Variants in TMED3 observed in about 807,000 individuals in gnomAD.
TMED3 encodes the protein transmembrane p24 trafficking protein 3, also known as transmembrane emp24 domain-containing protein 3.
Under a neutral mutation model 15.0 loss-of-function variants are expected in TMED3, and 9 were observed. That is an observed-to-expected ratio of 0.60 (90% confidence interval 0.36 to 1.04). The LOEUF (loss-of-function observed/expected upper bound fraction) is 1.04, where lower values mean the gene tolerates loss of function less well. TMED3 is among the 50% of genes least tolerant of loss of function. The pLI is 0.01. For missense variants in TMED3, 267 were observed against 278.9 expected (o/e 0.96, Z 0.30); for synonymous variants, 117 against 121.4 (o/e 0.96, Z 0.24).
At chr15:79,378,163 T>G (rs777702738) in intron 2 of TMED3, among the ~76,000 whole-genome samples, 1 of 152,224 alleles carries the variant, frequency 6.6e-6, no homozygotes, top group Admixed American at 6.5e-5. Flanking sequence ...CTCTAAGTGT[T>G]AAAAATTCTT....
At chr15:79,361,845 C>T (rs927212126) in intron 2 of TMED3, among the ~76,000 whole-genome samples, 13 of 151,994 alleles carry the variant, frequency 8.6e-5, no homozygotes, top group South Asian at 4.1e-4. Flanking sequence ...CAAGAGATTT[C>T]GGAATGTGTC....
downstream of TMED3, among the ~76,000 whole-genome samples, chr15:79,327,148 C>T (rs74408357): frequency 2.7e-3 from 404 of 152,280 alleles, 3 homozygotes; most frequent in African/African-American, 9.2e-3. Context: ...TTCCACTAGG[C>T]CCCATCTCCA....
intron 2 of TMED3, among the ~76,000 whole-genome samples, chr15:79,337,461 A>G (rs186724574): frequency 1.1e-3 from 162 of 152,336 alleles, no homozygotes; most frequent in Non-Finnish European, 1.1e-3. Flanking sequence ...CAAAAATAGA[A>G]TAATTTGGGA....
chr15:79,379,237 CTTAA>C (rs1433244346), intron 2 of TMED3, among the ~76,000 whole-genome samples: 11 of 152,122 alleles, frequency 7.2e-5, no homozygotes, highest in African/African-American at 2.4e-4. Context: ...TATCAAATGT[CTTAA>C]TTGTCTTGCC....
rs571202031 is a variant in TMED3, at chr15:79,319,851, T to C, written c.418-2127T>C. ...GCCATTATTTCTGCATATCAGAGACTTTTAGTACTTTCACTAATTTGCTAC... is the reference window on the plus strand; with the variant it reads ...GCCATTATTTCTGCATATCAGAGACCTTTAGTACTTTCACTAATTTGCTAC... On this transcript the variant is annotated intron_variant, in intron 2 of 2. Coordinates refer to ENST00000299705, the MANE Select transcript of TMED3 (RefSeq NM_007364.4). Among the ~76,000 whole-genome samples, 347 of 152,282 alleles carry C rather than the reference T, an allele frequency of 2.3e-3. 3 individuals are homozygous for C. The highest frequency in any genetic ancestry group is 8.2e-3 in the African/African-American group (340 of 41,566).
intron 2 of TMED3, among the ~76,000 whole-genome samples, chr15:79,397,057 C>G (rs1296232867): frequency 2.0e-5 from 3 of 152,218 alleles, no homozygotes; most frequent in Non-Finnish European, 4.4e-5. Flanking sequence ...TTCTTGAAAG[C>G]AGGAGTGTCA....
Position 79,320,006 on chromosome 15 carries a change from G to A in TMED3, c.418-1972G>A, listed in dbSNP as rs554622206. On this transcript the variant is annotated intron_variant, in intron 2 of 2. Transcript: ENST00000299705. ...TGCGGGTGGGCCTGACTGATGTCAG[G>A]CCCTCCACAAGAGGTGGAGGAGTAG... Among the ~76,000 whole-genome samples, 4 of 152,306 alleles carry A rather than the reference G, an allele frequency of 2.6e-5. No individual in the cohort carries two copies. In the East Asian group the frequency reaches 7.7e-4, roughly 29 times the overall value.
chr15:79,398,490 G>A (rs60042594), intron 2 of TMED3, among the ~76,000 whole-genome samples: 5,336 of 152,092 alleles, frequency 0.035, 302 homozygotes, highest in African/African-American at 0.12. Flanking sequence ...GTAGTTTGAC[G>A]GCCTTAGAGC....
At chr15:79,351,590 A>G (rs1042159155) in intron 2 of TMED3, among the ~76,000 whole-genome samples, 12 of 152,178 alleles carry the variant, frequency 7.9e-5, no homozygotes, top group Admixed American at 5.2e-4. Context: ...GTTGGCGTGG[A>G]TGTGGTCAAA....
At chr15:79,336,061 C>A (rs2058825793) in intron 2 of TMED3, among the ~76,000 whole-genome samples, 1 of 152,070 alleles carries the variant, frequency 6.6e-6, no homozygotes, top group Admixed American at 6.5e-5. Context: ...CTCAAGAGGC[C>A]CTGAAAACTA....
At chr15:79,357,342 A>G (rs2141238386) in intron 2 of TMED3, among the ~76,000 whole-genome samples, 1 of 151,526 alleles carries the variant, frequency 6.6e-6, no homozygotes, top group East Asian at 1.9e-4. Flanking sequence ...AAAAATTGCC[A>G]AGCATGGCAG....
intron 2 of TMED3, among the ~76,000 whole-genome samples, chr15:79,336,214 G>A (rs1238145526): frequency 6.6e-6 from 1 of 152,164 alleles, no homozygotes; most frequent in Non-Finnish European, 1.5e-5. Flanking sequence ...TGCCACGGAG[G>A]TGGGGCATTT....
At chr15:79,316,588 C>T (rs975085107) in intron 2 of TMED3, among the ~76,000 whole-genome samples, 22 of 152,118 alleles carry the variant, frequency 1.4e-4, no homozygotes, top group African/African-American at 4.8e-4. Flanking sequence ...CTGAAGACCT[C>T]GGCATCCGCT....
intron 2 of TMED3, among the ~76,000 whole-genome samples, chr15:79,410,432 C>T (rs1321687131): frequency 1.3e-5 from 2 of 152,004 alleles, no homozygotes; most frequent in East Asian, 3.8e-4. Context: ...GGGGAGAGCA[C>T]TTGGAGGGGC....
chr15:79,334,503 G>A (rs1402584300), intron 2 of TMED3, among the ~76,000 whole-genome samples: 1 of 152,122 alleles, frequency 6.6e-6, no homozygotes, highest in Non-Finnish European at 1.5e-5. Flanking sequence ...TGTGGCAGGT[G>A]AAGGAAGGGT....
At chr15:79,318,954 C>T (rs1441192650) in intron 2 of TMED3, among the ~76,000 whole-genome samples, 1 of 152,216 alleles carries the variant, frequency 6.6e-6, no homozygotes, top group Non-Finnish European at 1.5e-5. Context: ...CAAATGTCTG[C>T]AGGTATAGCC....
At chr15:79,342,433 C>T (rs1034052726) in intron 2 of TMED3, among the ~76,000 whole-genome samples, 13 of 152,138 alleles carry the variant, frequency 8.5e-5, no homozygotes, top group Admixed American at 6.5e-4. Flanking sequence ...CTGCTTCATA[C>T]TTTATGCTAA....
intron 2 of TMED3, among the ~76,000 whole-genome samples, chr15:79,353,150 A>AC (rs2058900368): frequency 1.4e-5 from 1 of 73,126 alleles, no homozygotes; most frequent in African/African-American, 6.6e-5. Context: ...AAAAATATAT[A>AC]AAATATATAT....
At chr15:79,383,113 A>C in intron 2 of TMED3, 4 of 1,258,068 alleles carry the variant, frequency 3.2e-6, no homozygotes, top group Non-Finnish European at 4.5e-6. Context: ...CCAGGTACCC[A>C]CAGCTTTACT....
Sources: gnomAD v4.1 joint callset for allele counts (sites outside exome capture counted in the v4.1 genomes callset) on GRCh38, gnomAD v4.1.1 for gene constraint, MANE v1.5 for transcripts, NCBI Gene and HGNC (gene_info 2026-07-23, HGNC 2026-07-21) for gene names.